The following GABRA5 variants were observed in gnomAD, a reference collection of about 807,000 sequenced individuals.
GABRA5 encodes the protein gamma-aminobutyric acid receptor subunit alpha-5.
Under a neutral mutation model 47.3 loss-of-function variants are expected in GABRA5, and 18 were observed. That is an observed-to-expected ratio of 0.38 (90% CI 0.26 to 0.56). The LOEUF (loss-of-function observed/expected upper bound fraction) is 0.56. GABRA5 is among the 20% of genes least tolerant of loss of function. The pLI is 0.71. For missense variants in GABRA5, 365 were observed against 599.3 expected, an observed-to-expected ratio of 0.61 and a Z score of 4.08; for synonymous variants, 237 against 229.3, an observed-to-expected ratio of 1.03 and a Z score of -0.30.
chr15:26,938,742 C>A (rs138856856), intron 8 of GABRA5, among the ~76,000 whole-genome samples: 1 of 152,226 alleles, frequency 6.6e-6, no homozygotes, highest in Admixed American at 6.5e-5. Flanking sequence ...CTTTGCACTG[C>A]GGGCCTGTCC....
chr15:26,931,512 G>C (rs1003414884), intron 7 of GABRA5, among the ~76,000 whole-genome samples: 4 of 152,090 alleles, frequency 2.6e-5, no homozygotes, highest in Admixed American at 1.3e-4. Context: ...TTTAACATAA[G>C]AATTTTGTGA....
At chr15:26,881,769 G>A (rs982727704) in intron 4 of GABRA5, among the ~76,000 whole-genome samples, 3 of 152,054 alleles carry the variant, frequency 2.0e-5, no homozygotes, top group African/African-American at 7.2e-5. Context: ...GCATGATCTC[G>A]GCTCACTGCA....
At chr15:26,944,072 AACAC>A (rs1894453052) in intron 10 of GABRA5, among the ~76,000 whole-genome samples, 1 of 152,250 alleles carries the variant, frequency 6.6e-6, no homozygotes, top group African/African-American at 2.4e-5. Context: ...ACAGAAAACA[AACAC>A]ACAAATCTCT....
chr15:26,869,992 C>T (rs1195966209), intron 3 of GABRA5, among the ~76,000 whole-genome samples: 5 of 152,196 alleles, frequency 3.3e-5, no homozygotes, highest in Non-Finnish European at 7.3e-5. Context: ...TAACCCACAT[C>T]GTGGATGAAT....
At chr15:26,896,169 G>A (rs943287661) in intron 6 of GABRA5, among the ~76,000 whole-genome samples, 1 of 152,230 alleles carries the variant, frequency 6.6e-6, no homozygotes, top group Non-Finnish European at 1.5e-5. Context: ...GGGCTCTGAA[G>A]TGTCTTTGTG....
At chr15:26,899,128 G>C (rs748782012) in intron 6 of GABRA5, among the ~76,000 whole-genome samples, 15 of 152,150 alleles carry the variant, frequency 9.9e-5, no homozygotes, top group Non-Finnish European at 2.2e-4. Context: ...TTCTTAAAGT[G>C]CTGGGATTAC....
At chr15:26,879,958 C>T (rs1412217943) in intron 3 of GABRA5, among the ~76,000 whole-genome samples, 2 of 152,136 alleles carry the variant, frequency 1.3e-5, no homozygotes, top group Non-Finnish European at 2.9e-5. Flanking sequence ...AATTCAAAAC[C>T]AGTTGCTATT....
intron 6 of GABRA5, among the ~76,000 whole-genome samples, chr15:26,895,075 A>G (rs1595406755): frequency 6.6e-6 from 1 of 151,758 alleles, no homozygotes; most frequent in East Asian, 2.0e-4. Context: ...GGTTTTATGT[A>G]TGGATGGCTC....
At chr15:26,879,150 T>C (rs538251165) in intron 3 of GABRA5, among the ~76,000 whole-genome samples, 2 of 152,290 alleles carry the variant, frequency 1.3e-5, no homozygotes, top group South Asian at 4.1e-4. Flanking sequence ...AGTACCTCAA[T>C]TGGTAAGATA....
At chr15:26,888,266 A>G (rs1892926564) in intron 6 of GABRA5, among the ~76,000 whole-genome samples, 1 of 152,248 alleles carries the variant, frequency 6.6e-6, no homozygotes, top group South Asian at 2.1e-4. Flanking sequence ...CAAAGAGAGC[A>G]GCAAACATCT....
rs1471950517 is a variant in GABRA5 at position 26,941,806 on chromosome 15, CCT to C, written c.878-1408_878-1407del. On this transcript the variant is annotated intron_variant, in intron 9 of 10. Transcript: ENST00000335625. ...ACTCCCGCCCTCACACGGCATGCTCCCTGTGTGCATGTCTGTCTCCAAGGTTC... is the reference window on the plus strand; with the variant it reads ...ACTCCCGCCCTCACACGGCATGCTCCGTGTGCATGTCTGTCTCCAAGGTTC... 2.0e-5 allele frequency among the ~76,000 whole-genome samples: 3 copies of C among 152,194 alleles called. No individual in the cohort carries two copies. In the East Asian group the frequency reaches 5.8e-4, roughly 29 times the overall value.
At chr15:26,877,834 G>A (rs1179105981) in intron 3 of GABRA5, 3 of 345,980 alleles carry the variant, frequency 8.7e-6, no homozygotes, top group Non-Finnish European at 1.7e-5. Context: ...AAAATTGAAG[G>A]GTAAGTCACC....
intron 7 of GABRA5, among the ~76,000 whole-genome samples, chr15:26,922,767 T>C (rs1046402170): frequency 2.0e-5 from 3 of 152,202 alleles, no homozygotes; most frequent in Non-Finnish European, 2.9e-5. Flanking sequence ...CTTAATTAAC[T>C]AATTAATTAA....
chr15:26,873,928 A>G (rs1018489464), intron 3 of GABRA5, among the ~76,000 whole-genome samples: 1 of 152,246 alleles, frequency 6.6e-6, no homozygotes, highest in Non-Finnish European at 1.5e-5. Context: ...GGAATGTCCA[A>G]CATGTTTTTA....
chr15:26,910,960 C>G (rs1893568646), intron 6 of GABRA5, among the ~76,000 whole-genome samples: 1 of 152,052 alleles, frequency 6.6e-6, no homozygotes, highest in Non-Finnish European at 1.5e-5. Context: ...TTCAAGAGCC[C>G]CATGAATAGA....
intron 7 of GABRA5, among the ~76,000 whole-genome samples, chr15:26,930,527 C>T (rs1397633782): frequency 2.0e-5 from 3 of 152,204 alleles, no homozygotes; most frequent in African/African-American, 2.4e-5. Flanking sequence ...ACAAGGATCA[C>T]CTGTCTTCCA....
At chr15:26,925,907 G>A (rs1254364950) in intron 7 of GABRA5, among the ~76,000 whole-genome samples, 1 of 152,188 alleles carries the variant, frequency 6.6e-6, no homozygotes, top group Non-Finnish European at 1.5e-5. Context: ...GGCTGGTATA[G>A]GCTTATGCTC....
At chr15:26,866,920 G>C (rs1170689912), upstream of GABRA5, 1 of 152,222 alleles carries the variant, frequency 6.6e-6, no homozygotes, top group Non-Finnish European at 1.5e-5. Flanking sequence ...CGAAGATGCT[G>C]TTGAGGGCCC....
intron 7 of GABRA5, among the ~76,000 whole-genome samples, chr15:26,930,000 C>T (rs72486641): frequency 0.21 from 24,470 of 118,162 alleles, 2,860 homozygotes; most frequent in South Asian, 0.25. Context: ...TCTTCTTCTT[C>T]TTCTTCTTTT....
Sources: allele counts gnomAD v4.1 joint callset (sites outside exome capture counted in the v4.1 genomes callset), GRCh38; gene constraint gnomAD v4.1.1; transcripts MANE v1.5; gene names NCBI Gene and HGNC (gene_info 2026-07-23, HGNC 2026-07-21).